Variants in CTNNA3 observed in about 807,000 individuals in gnomAD.
CTNNA3 encodes the protein catenin alpha-3.
CTNNA3 carries 76 observed loss-of-function variants against 95.7 expected under a neutral mutation model. The ratio of observed to expected loss-of-function variants is 0.79; its 90% confidence interval spans 0.66 to 0.96. The LOEUF (loss-of-function observed/expected upper bound fraction) is 0.96, where lower values mean the gene tolerates loss of function less well. Ranked by LOEUF, CTNNA3 falls within the 40% of genes least tolerant of loss-of-function variation. The pLI is 0.00. For missense variants in CTNNA3, 1,191 were observed against 1,089.8 expected (o/e 1.09, Z -1.31); for synonymous variants, 431 against 374.4 (o/e 1.15, Z -1.74).
At position 66,440,240 on chromosome 10, in the gene CTNNA3, C is replaced by A. The variant is rs989715044; in HGVS notation, c.1532-60888G>T. Among the ~76,000 whole-genome samples the A allele has an allele frequency of 3.3e-5, 5 of 152,020 alleles. 1 individual carries two copies. The highest frequency in any genetic ancestry group is 3.3e-4 in the Admixed American group (5 of 15,258). On this transcript the variant is annotated intron_variant, in intron 11 of 17. Coordinates refer to ENST00000433211, the MANE Select transcript of CTNNA3 (RefSeq NM_013266.4). ...AAAAATGATATCTTTGTAATATAAT[C>A]AATTTTTCTTTGATTATTAGTACAG...
At chr10:66,793,301 C>T (rs938122658) in intron 7 of CTNNA3, among the ~76,000 whole-genome samples, 2 of 152,012 alleles carry the variant, frequency 1.3e-5, no homozygotes, top group Non-Finnish European at 2.9e-5. Context: ...ATCACCACAC[C>T]CAGAAAATTT....
rs1326751181 is a variant in CTNNA3, at chr10:65,988,756, G to C, written c.2201C>G (p.Ala734Gly). ...TCCTGATTCTGATATCATTTTCGCTGCATAGATCACATCAGTTGTATGCTT... is the reference window on the plus strand; with the variant it reads ...TCCTGATTCTGATATCATTTTCGCTCCATAGATCACATCAGTTGTATGCTT... ...PLKHTTDVIY[A>G]AKMISESGSR... The change falls in exon 16 of 18, where the codon GCA becomes GGA. Residue 734 changes from alanine (A) to glycine (G), a missense_variant. By Grantham distance (60) the Ala-to-Gly change is moderately conservative. Coordinates refer to ENST00000433211, the MANE Select transcript of CTNNA3 (RefSeq NM_013266.4). The C allele has an allele frequency of 1.9e-6, 3 of 1,613,908 alleles. No homozygotes were observed. Among genetic ancestry groups the C allele is most frequent in the Non-Finnish European group, 2.5e-6 (3 of 1,179,918 alleles).
At chr10:66,609,460 T>C (rs536463317) in intron 10 of CTNNA3, among the ~76,000 whole-genome samples, 2 of 150,764 alleles carry the variant, frequency 1.3e-5, no homozygotes, top group South Asian at 4.2e-4. Context: ...ATGAACACTT[T>C]TCTAAAGAAG....
At chr10:67,388,745 G>C (rs1422493993) in intron 5 of CTNNA3, among the ~76,000 whole-genome samples, 1 of 152,116 alleles carries the variant, frequency 6.6e-6, no homozygotes, top group Non-Finnish European at 1.5e-5. Context: ...AAGAGAGTGA[G>C]GGCCAATATT....
intron 9 of CTNNA3, among the ~76,000 whole-genome samples, chr10:66,693,446 C>T (rs371945832): frequency 6.7e-6 from 1 of 150,230 alleles, no homozygotes; most frequent in South Asian, 2.1e-4. Context: ...TACAGGAGCA[C>T]CCAGATTCAT....
intron 9 of CTNNA3, among the ~76,000 whole-genome samples, chr10:66,701,437 TGAG>T (rs1300442485): frequency 2.0e-5 from 3 of 152,156 alleles, no homozygotes; most frequent in African/African-American, 7.2e-5. Flanking sequence ...ACAGATCAAT[TGAG>T]GAGAAGAGAA....
chr10:66,319,569 T>C (rs896379199), intron 12 of CTNNA3, among the ~76,000 whole-genome samples: 1 of 152,160 alleles, frequency 6.6e-6, no homozygotes, highest in Admixed American at 6.5e-5. Context: ...TGAACATAAT[T>C]GTTTAAGCAG....
intron 5 of CTNNA3, among the ~76,000 whole-genome samples, chr10:67,276,629 A>T (rs1383048084): frequency 6.6e-6 from 1 of 152,124 alleles, no homozygotes; most frequent in African/African-American, 2.4e-5. Flanking sequence ...AGTAAACTAT[A>T]TAAAATTATA....
At chr10:67,195,244 C>T (rs533594850) in intron 6 of CTNNA3, among the ~76,000 whole-genome samples, 67 of 152,014 alleles carry the variant, frequency 4.4e-4, no homozygotes, top group African/African-American at 1.6e-3. Flanking sequence ...AATGTTTTTA[C>T]TAATGAAATA....
chr10:65,920,853 T>G (rs2077075573), intron 17 of CTNNA3, among the ~76,000 whole-genome samples: 1 of 152,032 alleles, frequency 6.6e-6, no homozygotes, highest in South Asian at 2.1e-4. Flanking sequence ...AAAATAAAAA[T>G]AACTGAGCCT....
intron 5 of CTNNA3, among the ~76,000 whole-genome samples, chr10:67,518,498 C>T (rs1839887603): frequency 6.6e-6 from 1 of 151,996 alleles, no homozygotes; most frequent in African/African-American, 2.4e-5. Context: ...GTCTGAAGTA[C>T]AATAATTTAA....
intron 5 of CTNNA3, among the ~76,000 whole-genome samples, chr10:67,238,123 C>T (rs10740271): frequency 0.31 from 46,609 of 151,962 alleles, 9,988 homozygotes; most frequent in African/African-American, 0.61. Context: ...AAAAGGTGAA[C>T]ACATTTTGTA....
intron 11 of CTNNA3, among the ~76,000 whole-genome samples, chr10:66,388,564 A>G (rs187644041): frequency 6.6e-6 from 1 of 152,258 alleles, no homozygotes; most frequent in Admixed American, 6.5e-5. Flanking sequence ...TACTGCTCAC[A>G]ATTAAATAAT....
At chr10:67,234,472 C>T (rs1431064612) in intron 5 of CTNNA3, among the ~76,000 whole-genome samples, 2 of 152,198 alleles carry the variant, frequency 1.3e-5, no homozygotes, top group Admixed American at 1.3e-4. Context: ...AACCTTCATG[C>T]TAAAAACTCT....
chr10:67,138,857 T>C (rs1860414287), intron 7 of CTNNA3, among the ~76,000 whole-genome samples: 1 of 152,136 alleles, frequency 6.6e-6, no homozygotes, highest in South Asian at 2.1e-4. Context: ...GAAATTAAAT[T>C]TCCTAAGTCA....
rs569495600 is a variant in CTNNA3 at position 66,971,871 on chromosome 10, AT to A, written c.1048-196348del. 1.5e-3 allele frequency among the ~76,000 whole-genome samples: 231 copies of A among 151,666 alleles called. 9 individuals carry two copies. The South Asian group carries it at 0.047, about 31-fold the overall frequency. Reference sequence around the variant, plus strand: ...TATTTCTCATTTCTGAGCCAAAATCATTTTTTTTCAACAAGGTCAGAGCATA... The same window carrying A: ...TATTTCTCATTTCTGAGCCAAAATCATTTTTTTCAACAAGGTCAGAGCATA... On this transcript the variant is annotated intron_variant, in intron 7 of 17. Coordinates refer to ENST00000433211, the MANE Select transcript of CTNNA3 (RefSeq NM_013266.4).
At chr10:66,928,190 T>C in intron 7 of CTNNA3, 1 of 1,614,046 alleles carries the variant, frequency 6.2e-7, no homozygotes, top group Non-Finnish European at 8.5e-7. Context: ...GCGGGCAGCG[T>C]GGCGCTTTTC....
At chr10:66,037,878 T>G (rs1483570400) in intron 15 of CTNNA3, among the ~76,000 whole-genome samples, 2 of 152,168 alleles carry the variant, frequency 1.3e-5, no homozygotes, top group African/African-American at 4.8e-5. Context: ...TACCAACCAT[T>G]TGTAATTGCT....
intron 5 of CTNNA3, chr10:67,403,541 G>A (rs973925883): frequency 8.5e-5 from 13 of 152,376 alleles, no homozygotes; most frequent in African/African-American, 3.1e-4. Context: ...ATGTTCTATG[G>A]CTGACAAAGT....
Sources: gnomAD v4.1 joint callset for allele counts (sites outside exome capture counted in the v4.1 genomes callset) on GRCh38, gnomAD v4.1.1 for gene constraint, MANE v1.5 for transcripts, NCBI Gene and HGNC (gene_info 2026-07-23, HGNC 2026-07-21) for gene names.